The following HAUS6 variants were observed in gnomAD, a reference collection of about 807,000 sequenced individuals.
HAUS6 encodes HAUS augmin like complex subunit 6.
HAUS6 carries 80 observed loss-of-function variants against 106.8 expected under a neutral mutation model. The observed-to-expected ratio is 0.75, with a 90% CI of 0.63 to 0.90. The LOEUF (loss-of-function observed/expected upper bound fraction) is 0.90, where lower values mean the gene tolerates loss of function less well. HAUS6 is among the 40% of genes least tolerant of loss of function. The probability of loss-of-function intolerance (pLI) is 0.00; values close to 1 mark genes in which losing one functional copy is unlikely to be tolerated. For missense variants in HAUS6, 1,155 were observed against 1,118.1 expected, an observed-to-expected ratio of 1.03 and a Z score of -0.47; for synonymous variants, 356 against 379.1, an observed-to-expected ratio of 0.94 and a Z score of 0.71.
chr9:19,069,669 A>T (rs766109672), intron 12 of HAUS6, among the ~76,000 whole-genome samples: 26 of 152,194 alleles, frequency 1.7e-4, no homozygotes, highest in Non-Finnish European at 3.4e-4. Flanking sequence ...ATTGCACTCC[A>T]GCCTAGGAAA....
At chr9:19,097,926 T>G (rs1817897611) in intron 1 of HAUS6, among the ~76,000 whole-genome samples, 1 of 152,214 alleles carries the variant, frequency 6.6e-6, no homozygotes, top group African/African-American at 2.4e-5. Context: ...ATTACTATTC[T>G]CTTGCGTAAG....
At chr9:19,100,851 A>G (rs1017045637) in intron 1 of HAUS6, among the ~76,000 whole-genome samples, 54 of 152,208 alleles carry the variant, frequency 3.5e-4, no homozygotes, top group African/African-American at 1.2e-3. Flanking sequence ...AAAGACAAAT[A>G]TCACATGTTC....
chr9:19,074,312 G>A (rs1411116207), intron 11 of HAUS6, among the ~76,000 whole-genome samples: 3 of 152,086 alleles, frequency 2.0e-5, no homozygotes, highest in Admixed American at 2.0e-4. Context: ...TGTTGTCCAG[G>A]CTAGAGCATT....
chr9:19,064,950 C>T (rs1836728482), intron 12 of HAUS6: 1 of 152,168 alleles, frequency 6.6e-6, no homozygotes, highest in African/African-American at 2.4e-5. Flanking sequence ...GCCACCACCA[C>T]AAGAAGGTAA....
intron 1 of HAUS6, among the ~76,000 whole-genome samples, chr9:19,100,529 A>T (rs1381486317): frequency 6.6e-6 from 1 of 152,204 alleles, no homozygotes; most frequent in African/African-American, 2.4e-5. Context: ...TAGGCTCCTT[A>T]AAAAACTAAA....
rs146530083 is a variant in HAUS6 at position 19,058,366 on chromosome 9, G to A, written c.2401C>T (p.Leu801=). ...CCATGCATAGGACTATTTGGCTCCA[G>A]TTTAAAATTGGCCTCTGAACTACTG... ...SSSSSEANFK[L]EPNSPMHGGT... The change falls in exon 16 of 17, where the codon CTG becomes TTG. Residue 801 remains leucine (L), a synonymous_variant. Transcript: ENST00000380502. 2 of 1,613,806 alleles carry A rather than the reference G, an allele frequency of 1.2e-6. No individual in the cohort carries two copies. Among genetic ancestry groups the A allele is most frequent in the Non-Finnish European group, 1.7e-6 (2 of 1,179,858 alleles).
intron 2 of HAUS6, among the ~76,000 whole-genome samples, chr9:19,095,932 T>A (rs1817851717): frequency 6.6e-6 from 1 of 151,890 alleles, no homozygotes; most frequent in Non-Finnish European, 1.5e-5. Context: ...ATGAAAAAAA[T>A]AAGGATTTAC....
At chr9:19,095,183 C>T (rs1046723546) in intron 2 of HAUS6, among the ~76,000 whole-genome samples, 53 of 151,544 alleles carry the variant, frequency 3.5e-4, no homozygotes, top group Non-Finnish European at 5.9e-4. Context: ...TGTGGCTAAA[C>T]AAGACAGAAA....
intron 7 of HAUS6, among the ~76,000 whole-genome samples, chr9:19,085,012 T>C (rs1837256880): frequency 1.3e-5 from 2 of 152,110 alleles, no homozygotes; most frequent in South Asian, 4.1e-4. Flanking sequence ...ACTGCAGCCT[T>C]GAGCTCCTGG....
intron 2 of HAUS6, among the ~76,000 whole-genome samples, chr9:19,095,830 CCTT>C (rs1211320294): frequency 1.3e-5 from 2 of 152,068 alleles, no homozygotes; most frequent in Non-Finnish European, 2.9e-5. Flanking sequence ...ATTTTTATCT[CCTT>C]CTTAAACTAA....
chr9:19,060,067 C>A (rs1836574160), intron 15 of HAUS6, 21 bp downstream of exon 15: 2 of 1,587,736 alleles, frequency 1.3e-6, no homozygotes, highest in Non-Finnish European at 8.6e-7. Flanking sequence ...AAAAAAGTAA[C>A]AGAAAGCATT....
chr9:19,060,230 C>A lies in HAUS6; in HGVS notation c.1630-7G>T. On this transcript the variant is annotated splice_region_variant and splice_polypyrimidine_tract_variant and intron_variant, in intron 14 of 16. Coordinates refer to ENST00000380502, the MANE Select transcript of HAUS6 (RefSeq NM_017645.5). ...ATAAAACTGCTCTGGCAACCTAAAA[C>A]AGAAAAGAAAAAGTAAAGCAAAGAT... 5 of 1,517,868 alleles carry A rather than the reference C, an allele frequency of 3.3e-6. No individual in the cohort carries two copies. The highest frequency in any genetic ancestry group is 3.5e-6 in the Non-Finnish European group (4 of 1,136,984). The allele number at this position is 1,517,868 out of a possible 1,614,324, so 94.0% of individuals were successfully genotyped here. A position where few individuals can be genotyped will look rare whatever the true frequency, so the allele number is the denominator to read the frequency against.
chr9:19,095,995 A>AGAGTACC (rs1419827378), intron 2 of HAUS6, among the ~76,000 whole-genome samples: 2 of 152,222 alleles, frequency 1.3e-5, no homozygotes, highest in African/African-American at 4.8e-5. Flanking sequence ...AGTAAGGCAC[A>AGAGTACC]GAGTACCGAG....
chr9:19,068,525 T>C (rs778366654), intron 12 of HAUS6, among the ~76,000 whole-genome samples: 1 of 152,206 alleles, frequency 6.6e-6, no homozygotes, highest in Non-Finnish European at 1.5e-5. Context: ...AACTCAATTT[T>C]ACAAAAAAAG....
intron 9 of HAUS6, among the ~76,000 whole-genome samples, chr9:19,079,599 T>C (rs1837091881): frequency 6.6e-6 from 1 of 152,120 alleles, no homozygotes; most frequent in African/African-American, 2.4e-5. Context: ...ACTCCCACTC[T>C]CTGTCCATTC....
Position 19,082,678 on chromosome 9 carries a change from G to A in HAUS6, c.870+195C>T, listed in dbSNP as rs188581803. Reference sequence around the variant, plus strand: ...GGAGAATCTCTTGAACCTGGGAGGCGGAGGTTGCAGTGAGCTGAAACCACG... The same window carrying A: ...GGAGAATCTCTTGAACCTGGGAGGCAGAGGTTGCAGTGAGCTGAAACCACG... On this transcript the variant is annotated intron_variant, in intron 8 of 16. Transcript: ENST00000380502. 1.8e-3 allele frequency among the ~76,000 whole-genome samples: 275 copies of A among 152,096 alleles called. 3 individuals are homozygous for A. Among genetic ancestry groups the A allele is most frequent in the Admixed American group, 0.017 (260 of 15,272 alleles).
At chr9:19,067,016 A>G (rs1356127283) in intron 12 of HAUS6, among the ~76,000 whole-genome samples, 3 of 152,046 alleles carry the variant, frequency 2.0e-5, no homozygotes, top group South Asian at 2.1e-4. Context: ...AAAAAAAAAA[A>G]AAGCCAGCAA....
At chr9:19,093,540 C>G (rs772933684) in intron 3 of HAUS6, among the ~76,000 whole-genome samples, 4 of 152,204 alleles carry the variant, frequency 2.6e-5, no homozygotes, top group Non-Finnish European at 5.9e-5. Flanking sequence ...CCCCAGGCCA[C>G]TGTCTCCTCA....
At chr9:19,096,603 G>T in intron 2 of HAUS6, 71 bp downstream of exon 2, 1 of 602,914 alleles carries the variant, frequency 1.7e-6, no homozygotes, top group Non-Finnish European at 2.9e-6. Flanking sequence ...GAGAATTCTG[G>T]CTTGTATCAA....
Sources: allele counts gnomAD v4.1 joint callset (sites outside exome capture counted in the v4.1 genomes callset), GRCh38; gene constraint gnomAD v4.1.1; transcripts MANE v1.5; gene names NCBI Gene and HGNC (gene_info 2026-07-23, HGNC 2026-07-21).